Variants in GALNT13 observed in about 807,000 individuals in gnomAD.
The protein encoded by GALNT13 is UDP-GalNAc:polypeptide N-acetylgalactosaminyltransferase 13.
Under a neutral mutation model 64.2 loss-of-function variants are expected in GALNT13, and 28 were observed. That is an observed-to-expected ratio of 0.44 (90% CI 0.32 to 0.60). The LOEUF is 0.60. Among genes scored for constraint, GALNT13 ranks in the 20% least tolerant of loss-of-function variants. GALNT13 has a pLI of 0.05. For synonymous variants in GALNT13, 214 were observed against 224.6 expected, an observed-to-expected ratio of 0.95 and a Z score of 0.42; for missense variants, 577 against 669.8, an observed-to-expected ratio of 0.86 and a Z score of 1.53.
chr2:153,174,123 A>G, the GALNT13 span, among the ~76,000 whole-genome samples: 1 of 152,298 alleles, frequency 6.6e-6, no homozygotes, highest in Admixed American at 6.5e-5. Flanking sequence ...ATGGCCTCTG[A>G]AATCCAGGAG....
At chr2:154,371,769 TG>T (rs1697704165) in intron 9 of GALNT13, among the ~76,000 whole-genome samples, 2 of 143,358 alleles carry the variant, frequency 1.4e-5, no homozygotes, top group South Asian at 2.3e-4. Context: ...GCTTTTTTTG[TG>T]TGTGTGTGCT....
chr2:153,191,087 T>G, the GALNT13 span, among the ~76,000 whole-genome samples: 25,876 of 152,036 alleles, frequency 0.17, 2,346 homozygotes, highest in African/African-American at 0.19. Context: ...CAGATTACTC[T>G]GGCTAAGACT....
the GALNT13 span, among the ~76,000 whole-genome samples, chr2:153,599,853 C>A: frequency 0.16 from 23,816 of 151,902 alleles, 1,985 homozygotes; most frequent in African/African-American, 0.2. Context: ...TAAATAAATT[C>A]TTGAGTAGGA....
At chr2:154,024,518 C>G (rs959794429) in intron 3 of GALNT13, among the ~76,000 whole-genome samples, 5 of 152,212 alleles carry the variant, frequency 3.3e-5, no homozygotes, top group Admixed American at 3.3e-4. Flanking sequence ...TCACGTAGCT[C>G]TCGTGCCTTG....
At chr2:153,303,384 T>G in the GALNT13 span, among the ~76,000 whole-genome samples, 1 of 152,184 alleles carries the variant, frequency 6.6e-6, no homozygotes, top group Non-Finnish European at 1.5e-5. Context: ...TACTTATTTT[T>G]GTATGTTGAT....
At chr2:154,393,874 C>G (rs932935621) in intron 9 of GALNT13, among the ~76,000 whole-genome samples, 11 of 151,034 alleles carry the variant, frequency 7.3e-5, no homozygotes, top group African/African-American at 1.9e-4. Flanking sequence ...GTCAGGAGAT[C>G]GAGACCATCC....
At chr2:153,805,784 T>G in the GALNT13 span, among the ~76,000 whole-genome samples, 1 of 152,236 alleles carries the variant, frequency 6.6e-6, no homozygotes, top group African/African-American at 2.4e-5. Flanking sequence ...TGAGATTTAC[T>G]AATTCTGTAA....
intron 3 of GALNT13, among the ~76,000 whole-genome samples, chr2:154,099,813 G>T (rs1702257391): frequency 6.6e-6 from 1 of 152,048 alleles, no homozygotes; most frequent in Non-Finnish European, 1.5e-5. Flanking sequence ...GATGATTCAT[G>T]CCTGTGGTCC....
intron 7 of GALNT13, among the ~76,000 whole-genome samples, chr2:154,252,490 G>C (rs761992903): frequency 1.3e-5 from 2 of 151,512 alleles, no homozygotes; most frequent in Non-Finnish European, 2.9e-5. Flanking sequence ...CCAAGTAGCT[G>C]GGACTACAGG....
the GALNT13 span, among the ~76,000 whole-genome samples, chr2:153,208,973 C>CTTTTTTTTTTTTTTTTGTTTTTTTTT: frequency 1.3e-5 from 1 of 74,682 alleles, no homozygotes; most frequent in Non-Finnish European, 2.4e-5. Flanking sequence ...TGGTTTTGGT[C>CTTTTTTTTTTTTTTTTGTTTTTTTTT]TTTTTTTTTT....
At chr2:154,297,008 T>C (rs189369575) in intron 8 of GALNT13, among the ~76,000 whole-genome samples, 1 of 152,166 alleles carries the variant, frequency 6.6e-6, no homozygotes, top group African/African-American at 2.4e-5. Context: ...ATTTGAGAAT[T>C]TGGTGTGTGA....
chr2:154,318,737 AAAAT>A, intron 9 of GALNT13, among the ~76,000 whole-genome samples: 1 of 152,024 alleles, frequency 6.6e-6, no homozygotes, highest in African/African-American at 2.4e-5. Context: ...AAAAAAAAAA[AAAAT>A]CGTTAGATTA....
At chr2:153,908,555 G>C (rs1183044341) in intron 2 of GALNT13, among the ~76,000 whole-genome samples, 1 of 152,020 alleles carries the variant, frequency 6.6e-6, no homozygotes, top group Non-Finnish European at 1.5e-5. Flanking sequence ...TCCATCTTGA[G>C]TTGATTTTTC....
the GALNT13 span, among the ~76,000 whole-genome samples, chr2:153,591,066 A>G: frequency 6.6e-6 from 1 of 152,188 alleles, no homozygotes; most frequent in South Asian, 2.1e-4. Context: ...GTCTAGAATA[A>G]CCTTATAATT....
the GALNT13 span, among the ~76,000 whole-genome samples, chr2:153,780,884 T>C: frequency 6.6e-6 from 1 of 152,302 alleles, no homozygotes; most frequent in South Asian, 2.1e-4. Context: ...GATTCCTGTC[T>C]CCTCAGGACC....
chr2:153,242,832 A>G, the GALNT13 span, among the ~76,000 whole-genome samples: 1 of 152,238 alleles, frequency 6.6e-6, no homozygotes, highest in Non-Finnish European at 1.5e-5. Flanking sequence ...AGGGGGCACC[A>G]CAGACCCCAT....
the GALNT13 span, among the ~76,000 whole-genome samples, chr2:153,274,086 C>G: frequency 6.6e-6 from 1 of 152,024 alleles, no homozygotes; most frequent in Non-Finnish European, 1.5e-5. Flanking sequence ...GTGCCTAATC[C>G]CAGCTACTCA....
At chr2:153,779,319 T>C in the GALNT13 span, among the ~76,000 whole-genome samples, 4 of 152,202 alleles carry the variant, frequency 2.6e-5, no homozygotes, top group Non-Finnish European at 4.4e-5. Flanking sequence ...TGTGTGGTGT[T>C]TCTATTAAAA....
chr2:153,096,315 GT>G, the GALNT13 span, among the ~76,000 whole-genome samples: 1 of 151,662 alleles, frequency 6.6e-6, no homozygotes, highest in Non-Finnish European at 1.5e-5. Flanking sequence ...AATGATCCAT[GT>G]ACTAAGGAAC....
Sources: allele counts gnomAD v4.1 joint callset (sites outside exome capture counted in the v4.1 genomes callset), GRCh38; gene constraint gnomAD v4.1.1; transcripts MANE v1.5; gene names NCBI Gene and HGNC (gene_info 2026-07-23, HGNC 2026-07-21).